Variants in EXOC6 observed in about 807,000 individuals in gnomAD.
The protein encoded by EXOC6 is SEC15-like 1.
EXOC6 carries 60 observed loss-of-function variants against 112.5 expected under a neutral mutation model. The observed-to-expected ratio is 0.53, with a 90% CI of 0.43 to 0.66. The LOEUF is 0.66. Ranked by LOEUF, EXOC6 falls within the 30% of genes least tolerant of loss-of-function variation. The pLI is 0.00. For synonymous variants in EXOC6, 295 were observed against 308.0 expected (o/e 0.96, Z 0.44); for missense variants, 855 against 957.1 (o/e 0.89, Z 1.41).
intron 20 of EXOC6, among the ~76,000 whole-genome samples, chr10:93,037,390 C>A (rs1175945780): frequency 6.6e-6 from 1 of 151,708 alleles, no homozygotes; most frequent in African/African-American, 2.4e-5. Context: ...TCCACCTCAG[C>A]CACCCAATGT....
chr10:93,037,587 G>T (rs965419089), intron 20 of EXOC6, among the ~76,000 whole-genome samples: 20 of 147,796 alleles, frequency 1.4e-4, no homozygotes, highest in Admixed American at 7.4e-4. Context: ...TTACAGGCAC[G>T]TGCCACCACA....
intron 18 of EXOC6, among the ~76,000 whole-genome samples, chr10:92,984,490 A>G (rs893593802): frequency 2.6e-5 from 4 of 151,974 alleles, no homozygotes; most frequent in African/African-American, 4.8e-5. Flanking sequence ...CTGTGGTAGG[A>G]ACTGTTTCTT....
At chr10:92,968,289 A>T (rs145084677) in intron 17 of EXOC6, among the ~76,000 whole-genome samples, 1 of 150,622 alleles carries the variant, frequency 6.6e-6, no homozygotes, top group African/African-American at 2.4e-5. Context: ...AGCTCAAGCG[A>T]TCCTCCCACC....
At chr10:92,983,752 C>G (rs1842908814) in intron 18 of EXOC6, among the ~76,000 whole-genome samples, 1 of 152,046 alleles carries the variant, frequency 6.6e-6, no homozygotes, top group Non-Finnish European at 1.5e-5. Flanking sequence ...AGTGATCCAC[C>G]CACACTGGCC....
chr10:92,828,476 G>A (rs546418766), intron 1 of EXOC6, among the ~76,000 whole-genome samples: 51 of 152,222 alleles, frequency 3.4e-4, no homozygotes, highest in African/African-American at 1.2e-3. Flanking sequence ...TGAGACTACA[G>A]ATGTGTGCCA....
At chr10:92,896,181 ATTTTT>A (rs58783356) in intron 4 of EXOC6, among the ~76,000 whole-genome samples, 5 of 10,232 alleles carry the variant, frequency 4.9e-4, no homozygotes, top group Admixed American at 2.0e-3. Context: ...ATATATATAT[ATTTTT>A]TTTTTTTTTT....
At chr10:92,975,980 C>T (rs1033000250) in intron 18 of EXOC6, among the ~76,000 whole-genome samples, 8 of 145,488 alleles carry the variant, frequency 5.5e-5, no homozygotes, top group Admixed American at 5.4e-4. Flanking sequence ...CGCCTCTGCC[C>T]AGCCGCCCCT....
intron 17 of EXOC6, among the ~76,000 whole-genome samples, chr10:92,968,718 T>TAA (rs1842167040): frequency 6.6e-6 from 1 of 152,200 alleles, no homozygotes. Flanking sequence ...TGGGTGCCAA[T>TAA]TACTGTTAGG....
intron 9 of EXOC6, among the ~76,000 whole-genome samples, chr10:92,929,341 A>C (rs970534298): frequency 3.3e-4 from 50 of 152,226 alleles, no homozygotes; most frequent in African/African-American, 1.0e-3. Flanking sequence ...TTCATCATAC[A>C]TGGATAGTCA....
At chr10:92,979,577 C>T (rs1842755964) in intron 18 of EXOC6, among the ~76,000 whole-genome samples, 1 of 152,102 alleles carries the variant, frequency 6.6e-6, no homozygotes, top group Admixed American at 6.5e-5. Flanking sequence ...ACCACAATAA[C>T]CCGAATAATG....
chr10:92,850,324 A>G (rs1209394611), intron 1 of EXOC6, among the ~76,000 whole-genome samples: 1 of 152,194 alleles, frequency 6.6e-6, no homozygotes, highest in African/African-American at 2.4e-5. Flanking sequence ...TTTGCTGGGC[A>G]GTTGTTTCAA....
rs1296139044 is a variant in EXOC6 at position 92,955,591 on chromosome 10, C to A, written c.1650C>A (p.Ile550=). ...CTTGTGTTTTCTAGCTGGTACAAAT[C>A]ATCATAAACACAACACACCTGGAGC... is the stretch of plus-strand genomic sequence containing the variant. ...PHIGLTELVQ[I]IINTTHLEQA... is the part of the protein sequence containing the mutation. The change falls in exon 17 of 22, where the codon ATC becomes ATA. Residue 550 remains isoleucine, a synonymous_variant. Transcript: ENST00000260762. 6.2e-7 allele frequency: 1 copy of A among 1,609,994 alleles called. No homozygotes were observed. Among genetic ancestry groups the A allele is most frequent in the Non-Finnish European group, 8.5e-7 (1 of 1,177,922 alleles).
chr10:92,960,231 A>G (rs1193956116), intron 17 of EXOC6, among the ~76,000 whole-genome samples: 1 of 152,230 alleles, frequency 6.6e-6, no homozygotes, highest in Non-Finnish European at 1.5e-5. Context: ...TTAAATGCAT[A>G]TTATTAAGTG....
intron 5 of EXOC6, 25 bp from the exon 6 acceptor site, chr10:92,909,402 A>T: frequency 6.6e-7 from 1 of 1,503,986 alleles, no homozygotes; most frequent in Non-Finnish European, 9.1e-7. Flanking sequence ...CTTTTTATAG[A>T]GTTTTCTTTT....
At chr10:92,994,738 A>G (rs1843407217) in intron 18 of EXOC6, among the ~76,000 whole-genome samples, 1 of 152,030 alleles carries the variant, frequency 6.6e-6, no homozygotes, top group Non-Finnish European at 1.5e-5. Context: ...TTTTTATTCT[A>G]GAAAATGATA....
At chr10:93,037,839 C>G (rs1185937375) in intron 20 of EXOC6, among the ~76,000 whole-genome samples, 1 of 150,250 alleles carries the variant, frequency 6.7e-6, no homozygotes, top group Non-Finnish European at 1.5e-5. Flanking sequence ...ATCACGAGGT[C>G]CGGAGATCGA....
intron 8 of EXOC6, among the ~76,000 whole-genome samples, chr10:92,926,033 G>C (rs1851695018): frequency 6.8e-6 from 1 of 146,202 alleles, no homozygotes. Context: ...TTAGATTTTA[G>C]GTTTTAGGGT....
intron 1 of EXOC6, among the ~76,000 whole-genome samples, chr10:92,858,992 T>G (rs932844090): frequency 1.3e-5 from 2 of 152,226 alleles, no homozygotes. Context: ...CTTGAACTCC[T>G]GACCTCAGGT....
intron 18 of EXOC6, among the ~76,000 whole-genome samples, chr10:92,985,386 TTC>T (rs1842964957): frequency 6.6e-6 from 1 of 152,212 alleles, no homozygotes; most frequent in African/African-American, 2.4e-5. Context: ...TGGCTTTCTT[TTC>T]TCTGTTTCAT....
Sources: gnomAD v4.1 joint callset for allele counts (sites outside exome capture counted in the v4.1 genomes callset) on GRCh38, gnomAD v4.1.1 for gene constraint, MANE v1.5 for transcripts, NCBI Gene and HGNC (gene_info 2026-07-23, HGNC 2026-07-21) for gene names.